EFCAB11: variants seen among roughly 807,000 people sequenced by gnomAD.
EFCAB11 encodes the protein EF-hand calcium binding domain 11.
In EFCAB11, 14 loss-of-function variants were observed where a neutral mutation model predicts 23.0. That is an observed-to-expected ratio of 0.61 (90% CI 0.40 to 0.95). The LOEUF (loss-of-function observed/expected upper bound fraction) is 0.95, where lower values mean the gene tolerates loss of function less well. Ranked by LOEUF, EFCAB11 falls within the 40% of genes least tolerant of loss-of-function variation. The pLI is 0.00. For missense variants in EFCAB11, 198 were observed against 195.8 expected, an observed-to-expected ratio of 1.01 and a Z score of -0.07; for synonymous variants, 65 against 66.6, an observed-to-expected ratio of 0.98 and a Z score of 0.11.
intron 5 of EFCAB11, among the ~76,000 whole-genome samples, chr14:89,815,675 C>T (rs549657645): frequency 1.4e-4 from 21 of 152,224 alleles, no homozygotes; most frequent in African/African-American, 4.8e-4. Context: ...CCACCCGCCT[C>T]GGCCTCCCAA....
intron 3 of EFCAB11, among the ~76,000 whole-genome samples, chr14:89,939,829 C>T (rs2038538272): frequency 1.3e-5 from 2 of 152,140 alleles, no homozygotes; most frequent in Non-Finnish European, 2.9e-5. Flanking sequence ...ACCTCCGCTT[C>T]CCAGGTTCAA....
chr14:89,905,259 C>T (rs776042094), intron 5 of EFCAB11, among the ~76,000 whole-genome samples: 4 of 152,062 alleles, frequency 2.6e-5, no homozygotes, highest in Non-Finnish European at 5.9e-5. Flanking sequence ...CTATAGTTAC[C>T]ATAAAAATTC....
chr14:89,813,914 G>C (rs1886236782), intron 5 of EFCAB11, among the ~76,000 whole-genome samples: 1 of 152,144 alleles, frequency 6.6e-6, no homozygotes, highest in African/African-American at 2.4e-5. Flanking sequence ...CTGCGGAGAA[G>C]GAATGCAGTT....
chr14:89,869,684 C>T (rs955821392), intron 5 of EFCAB11, among the ~76,000 whole-genome samples: 1 of 152,192 alleles, frequency 6.6e-6, no homozygotes, highest in Admixed American at 6.5e-5. Flanking sequence ...ACAACAGCTA[C>T]CTTGGGTTGC....
chr14:89,902,163 C>A (rs1889359500), intron 5 of EFCAB11, among the ~76,000 whole-genome samples: 1 of 152,162 alleles, frequency 6.6e-6, no homozygotes, highest in South Asian at 2.1e-4. Flanking sequence ...TCCCTCTAGG[C>A]TTATACCCAT....
At chr14:89,892,053 T>C in intron 5 of EFCAB11, 1 of 1,539,268 alleles carries the variant, frequency 6.5e-7, no homozygotes. Flanking sequence ...CGGAATGTGG[T>C]GGGTGTCCTG....
intron 4 of EFCAB11, 133 bp from the exon 5 acceptor site, chr14:89,931,764 C>A: frequency 1.4e-6 from 1 of 694,200 alleles, no homozygotes; most frequent in Non-Finnish European, 2.4e-6. Context: ...ATTGATTTCA[C>A]AGATAAGGTA....
At chr14:89,952,637 T>C (rs571139326) in intron 2 of EFCAB11, 1 of 980,284 alleles carries the variant, frequency 1.0e-6, no homozygotes, top group East Asian at 1.1e-4. Context: ...AATATATTAA[T>C]ACTTATTGTG....
At chr14:89,928,915 C>A (rs976817676) in intron 5 of EFCAB11, among the ~76,000 whole-genome samples, 1 of 146,410 alleles carries the variant, frequency 6.8e-6, no homozygotes, top group African/African-American at 2.5e-5. Context: ...TAATTCCAAT[C>A]ATAATTATAT....
intron 3 of EFCAB11, among the ~76,000 whole-genome samples, chr14:89,946,086 T>G (rs879769278): frequency 6.6e-6 from 1 of 151,864 alleles, no homozygotes; most frequent in Non-Finnish European, 1.5e-5. Context: ...GTCCAGCTAA[T>G]TTTTTTGTAT....
intron 5 of EFCAB11, among the ~76,000 whole-genome samples, chr14:89,849,767 G>A (rs1332289084): frequency 6.6e-6 from 1 of 152,026 alleles, no homozygotes; most frequent in African/African-American, 2.4e-5. Flanking sequence ...TTAAGAACAC[G>A]TAAGTCATCA....
At chr14:89,946,710 C>T (rs6575099) in intron 3 of EFCAB11, among the ~76,000 whole-genome samples, 22,805 of 150,896 alleles carry the variant, frequency 0.15, 3,817 homozygotes, top group African/African-American at 0.42. Context: ...GCTAAGATTA[C>T]AGGCACGTGC....
At chr14:89,825,726 A>G (rs900681344) in intron 5 of EFCAB11, among the ~76,000 whole-genome samples, 1 of 152,132 alleles carries the variant, frequency 6.6e-6, no homozygotes, top group Non-Finnish European at 1.5e-5. Flanking sequence ...ATATTCTTTT[A>G]CATTTTATTT....
intron 5 of EFCAB11, among the ~76,000 whole-genome samples, chr14:89,834,988 C>T (rs1887025808): frequency 6.6e-6 from 1 of 152,174 alleles, no homozygotes. Context: ...AGCCATCATC[C>T]CCCATCACCC....
chr14:89,795,730 G>A lies in EFCAB11; in HGVS notation c.*1513C>T, dbSNP rs1596368335. ...TGCTAATAATTTGTATGATAATGAC[G>A]CTTAATGTTTCCATATTACAAATTT... is the stretch of plus-strand genomic sequence containing the variant. On this transcript the variant is annotated 3_prime_UTR_variant, in exon 6 of 6. Transcript: ENST00000316738. 1 of 152,070 alleles carries A rather than the reference G, an allele frequency of 6.6e-6. No homozygotes were observed. The highest frequency in any genetic ancestry group is 2.1e-4 in the South Asian group (1 of 4,818). 9.4% of individuals were successfully genotyped at this position (152,070 alleles called of 1,614,324 possible). A position where few individuals can be genotyped will look rare whatever the true frequency, so the allele number is the denominator to read the frequency against.
At chr14:89,922,454 T>G (rs1009857920) in intron 5 of EFCAB11, among the ~76,000 whole-genome samples, 2 of 152,178 alleles carry the variant, frequency 1.3e-5, no homozygotes, top group African/African-American at 4.8e-5. Context: ...CACAACACCC[T>G]TTTTTCTCAG....
At chr14:89,883,956 T>C (rs2140179046) in intron 5 of EFCAB11, among the ~76,000 whole-genome samples, 1 of 151,980 alleles carries the variant, frequency 6.6e-6, no homozygotes, top group South Asian at 2.1e-4. Context: ...TGAGACCTCA[T>C]CTCCAAAAAA....
At chr14:89,914,778 T>C (rs1889783930) in intron 5 of EFCAB11, among the ~76,000 whole-genome samples, 1 of 151,528 alleles carries the variant, frequency 6.6e-6, no homozygotes, top group African/African-American at 2.4e-5. Flanking sequence ...GAGTGAGACC[T>C]TGGTCTCGAA....
intron 5 of EFCAB11, among the ~76,000 whole-genome samples, chr14:89,813,921 A>T (rs763736983): frequency 2.0e-5 from 3 of 152,194 alleles, no homozygotes; most frequent in Non-Finnish European, 4.4e-5. Context: ...GAAGGAATGC[A>T]GTTCCAGGGT....
Sources: allele counts gnomAD v4.1 joint callset (sites outside exome capture counted in the v4.1 genomes callset), GRCh38; gene constraint gnomAD v4.1.1; transcripts MANE v1.5; gene names NCBI Gene and HGNC (gene_info 2026-07-23, HGNC 2026-07-21).